Variants in ZNF821 observed in about 807,000 individuals in gnomAD.
The protein encoded by ZNF821 is zinc finger protein 821.
Under a neutral mutation model 44.3 loss-of-function variants are expected in ZNF821, and 16 were observed. The ratio of observed to expected loss-of-function variants is 0.36; its 90% CI spans 0.24 to 0.55. ZNF821 has a LOEUF of 0.55. Among genes scored for constraint, ZNF821 ranks in the 20% least tolerant of loss-of-function variants. The pLI, the probability that ZNF821 is intolerant of heterozygous loss-of-function variation, is 0.86. For missense variants in ZNF821, 436 were observed against 547.6 expected (o/e 0.80, Z 2.03); for synonymous variants, 204 against 197.6 (o/e 1.03, Z -0.27).
rs2034526987 is a variant in ZNF821 at position 71,866,225 on chromosome 16, A to AC, written c.167-1178dup. On this transcript the variant is annotated intron_variant, in intron 4 of 7. Transcript: ENST00000425432. ...TAACAGTGTGCCTGTCTTCTCTACT[A>AC]CCCTTGCATAATATCTAAATCCACC... Among the ~76,000 whole-genome samples, 6 of 152,172 alleles carry AC rather than the reference A, an allele frequency of 3.9e-5. 1 individual carries two copies. In the South Asian group the frequency reaches 1.2e-3, roughly 32 times the overall value.
At position 71,860,330 on chromosome 16, in the gene ZNF821, C is replaced by T; in HGVS notation, c.927G>A (p.Met309Ile). The T allele has an allele frequency of 6.2e-7, 1 of 1,612,240 alleles. No homozygotes were observed. Among genetic ancestry groups the T allele is most frequent in the Non-Finnish European group, 8.5e-7 (1 of 1,179,998 alleles). ...RDREAKRLQRMQETDEQRARR... is the reference protein window; with the variant it reads ...RDREAKRLQRIQETDEQRARR... ...GTGCCCGCTGCTCGTCTGTCTCCTG[C>T]ATGCGCTGCAAGCGCTTGGCTTCAC... The change falls in exon 8 of 8, where the codon ATG becomes ATA. Residue 309 changes from methionine to isoleucine, a missense_variant. Met to Ile is a conservative substitution (Grantham distance 10). Transcript: ENST00000425432. The surrounding 1 kb of genome is among the most constrained non-coding windows in gnomAD (Gnocchi z 7.3).
chr16:71,892,273 T>C (rs1474479335), intron 1 of ZNF821, among the ~76,000 whole-genome samples: 2 of 150,674 alleles, frequency 1.3e-5, no homozygotes, highest in Non-Finnish European at 2.9e-5. Flanking sequence ...AGCTTATCTT[T>C]TTTCAGTCTG....
At chr16:71,876,872 TG>T (rs2035879615) in intron 3 of ZNF821, among the ~76,000 whole-genome samples, 1 of 152,204 alleles carries the variant, frequency 6.6e-6, no homozygotes, top group Admixed American at 6.5e-5. Context: ...CCCAAAGTGT[TG>T]GGATTACAGG....
At chr16:71,892,734 CT>C (rs1177952498) in intron 1 of ZNF821, among the ~76,000 whole-genome samples, 180 of 125,278 alleles carry the variant, frequency 1.4e-3, no homozygotes, top group Middle Eastern at 4.5e-3. Flanking sequence ...ACAAACCAGG[CT>C]TTTTTTTTTT....
intron 1 of ZNF821, among the ~76,000 whole-genome samples, chr16:71,890,126 A>C (rs894397880): frequency 6.6e-6 from 1 of 152,208 alleles, no homozygotes; most frequent in Non-Finnish European, 1.5e-5. Context: ...GACATTAATT[A>C]GTTTTCTGAA....
intron 6 of ZNF821, among the ~76,000 whole-genome samples, chr16:71,862,941 T>C (rs2034080005): frequency 6.6e-6 from 1 of 152,206 alleles, no homozygotes; most frequent in Admixed American, 6.5e-5. Flanking sequence ...TCACCCAGGC[T>C]GGAGTGCAGT....
At chr16:71,869,245 TCC>T (rs1364821078) in intron 3 of ZNF821, among the ~76,000 whole-genome samples, 1 of 152,154 alleles carries the variant, frequency 6.6e-6, no homozygotes, top group African/African-American at 2.4e-5. Flanking sequence ...CCAGGCCCTT[TCC>T]TGCTGAAGAT....
At chr16:71,864,819 C>T in intron 5 of ZNF821, 84 bp downstream of exon 5, 1 of 1,561,072 alleles carries the variant, frequency 6.4e-7, no homozygotes, top group East Asian at 2.3e-5. Flanking sequence ...AGAGGCAAGA[C>T]TGTGCCACAG....
Position 71,867,941 on chromosome 16 carries a change from T to C in ZNF821, c.137A>G (p.Gln46Arg), listed in dbSNP as rs932024185. 3.0e-5 allele frequency: 46 copies of C among 1,535,936 alleles called. No homozygotes were observed. The highest frequency in any genetic ancestry group is 3.7e-5 in the Non-Finnish European group (42 of 1,146,884). Residue 46 changes from glutamine (Q) to arginine (R), a missense_variant, in exon 4 of 8, where the codon CAA becomes CGA. Physicochemically the swap from Gln to Arg is conservative, Grantham distance 43 (BLOSUM62 1). Around this residue, in one of 5 missense-constraint regions of ZNF821, gnomAD observed 238 missense variants for 281.4 expected, o/e 0.85. Transcript: ENST00000425432. Reference protein sequence around the residue: ...GDLGSQRQAIQQLRDQDSSSS... With the variant: ...GDLGSQRQAIRQLRDQDSSSS... The stretch of plus-strand genomic sequence containing the variant: ...ACTGGAGTCCTGATCTCTTAGTTGT[T>C]GGATAGCTTGTCGCTGACTGCCAAG...
intron 3 of ZNF821, among the ~76,000 whole-genome samples, chr16:71,868,285 A>C (rs2034775725): frequency 6.6e-6 from 1 of 152,206 alleles, no homozygotes; most frequent in African/African-American, 2.4e-5. Flanking sequence ...GACTCCTTTC[A>C]AAAGGTGATC....
intron 3 of ZNF821, among the ~76,000 whole-genome samples, chr16:71,878,910 C>T (rs918876663): frequency 1.7e-4 from 25 of 145,798 alleles, no homozygotes; most frequent in Non-Finnish European, 2.8e-4. Context: ...GGTGACAGAG[C>T]GAGACTCTGT....
chr16:71,862,852 G>A (rs997555627), intron 6 of ZNF821, among the ~76,000 whole-genome samples: 4 of 151,982 alleles, frequency 2.6e-5, no homozygotes, highest in Non-Finnish European at 5.9e-5. Context: ...TCTGGTATTC[G>A]GATCCCCTGG....
upstream of ZNF821, among the ~76,000 whole-genome samples, chr16:71,889,776 C>A (rs2036875873): frequency 6.6e-6 from 1 of 152,034 alleles, no homozygotes; most frequent in East Asian, 1.9e-4. Context: ...ATGGCAAAAC[C>A]CCATCTCTAC....
At chr16:71,876,800 G>A (rs1176663374) in intron 3 of ZNF821, among the ~76,000 whole-genome samples, 1 of 151,900 alleles carries the variant, frequency 6.6e-6, no homozygotes, top group Non-Finnish European at 1.5e-5. Flanking sequence ...TACAGATGGA[G>A]TTTTGCCTTG....
At chr16:71,873,806 C>T (rs1244679381) in intron 3 of ZNF821, among the ~76,000 whole-genome samples, 1 of 151,520 alleles carries the variant, frequency 6.6e-6, no homozygotes, top group Admixed American at 6.6e-5. Flanking sequence ...GGCATGAGCA[C>T]TGTGCCTGGC....
At chr16:71,891,982 A>C (rs61160783) in intron 1 of ZNF821, among the ~76,000 whole-genome samples, 104,190 of 120,622 alleles carry the variant, frequency 0.86, 45,117 homozygotes, top group East Asian at 0.99. Context: ...GGCGACAGAG[A>C]GAGACTCCGT....
At chr16:71,868,503 C>G (rs1288592771) in intron 3 of ZNF821, among the ~76,000 whole-genome samples, 1 of 152,196 alleles carries the variant, frequency 6.6e-6, no homozygotes, top group African/African-American at 2.4e-5. Context: ...TTCAAATCAT[C>G]CTTCTAAATA....
upstream of ZNF821, chr16:71,885,207 C>T (rs1225355482): frequency 6.6e-6 from 1 of 152,568 alleles, no homozygotes; most frequent in African/African-American, 2.4e-5. Context: ...GTCCTTCTCT[C>T]TCCTAGTTCC....
chr16:71,883,111 C>G lies in ZNF821; in HGVS notation c.-78+100G>C, dbSNP rs1434051873. On this transcript the variant is annotated intron_variant, in intron 2 of 7. Coordinates refer to ENST00000425432, the MANE Select transcript of ZNF821 (RefSeq NM_001201552.2). Reference sequence around the variant, plus strand: ...TCCCCTGAACACTGTCTCTGCTCTCCCACAGGTATTAGGTTGCAGCGTCTA... The same window carrying G: ...TCCCCTGAACACTGTCTCTGCTCTCGCACAGGTATTAGGTTGCAGCGTCTA... 12 of 456,272 alleles carry G rather than the reference C, an allele frequency of 2.6e-5. No homozygotes were observed. In the Admixed American group the frequency reaches 2.8e-4, roughly 11 times the overall value. 28.3% of individuals were successfully genotyped at this position (456,272 alleles called of 1,614,324 possible).
Sources: gnomAD v4.1 joint callset for allele counts (sites outside exome capture counted in the v4.1 genomes callset) on GRCh38, gnomAD v4.1.1 for gene constraint, gnomAD v4.1.1 regional missense constraint, Gnocchi (gnomAD v3.1) non-coding constraint, MANE v1.5 for transcripts, NCBI Gene and HGNC (gene_info 2026-07-23, HGNC 2026-07-21) for gene names.